BTN3A2: variants seen among roughly 807,000 people sequenced by gnomAD.
BTN3A2 encodes the protein butyrophilin subfamily 3 member A2.
In BTN3A2, 25 loss-of-function variants were observed where a neutral mutation model predicts 37.6. The observed-to-expected ratio is 0.66, with a 90% CI of 0.48 to 0.93. The LOEUF (loss-of-function observed/expected upper bound fraction) is 0.93, where lower values mean the gene tolerates loss of function less well. Among genes scored for constraint, BTN3A2 ranks in the 40% least tolerant of loss-of-function variants. The pLI, the probability that BTN3A2 is intolerant of heterozygous loss-of-function variation, is 0.00. For missense variants in BTN3A2, 266 were observed against 410.9 expected, an observed-to-expected ratio of 0.65 and a Z score of 3.05; for synonymous variants, 122 against 159.4, an observed-to-expected ratio of 0.77 and a Z score of 1.77.
chr6:26,366,981 A>C (rs1759568901), intron 1 of BTN3A2, among the ~76,000 whole-genome samples: 1 of 152,258 alleles, frequency 6.6e-6, no homozygotes, highest in African/African-American at 2.4e-5. Context: ...AGGAAGCAAA[A>C]GGCCAAAGCG....
chr6:26,377,164 C>A lies in BTN3A2; in HGVS notation c.*1402C>A. ...CATTCCCTGGAGATACCACTGACCCCAGGCTTAGCTAATGAAAGTGGGGAG... is the reference window on the plus strand; with the variant it reads ...CATTCCCTGGAGATACCACTGACCCAAGGCTTAGCTAATGAAAGTGGGGAG... On this transcript the variant is annotated 3_prime_UTR_variant, in exon 11 of 11. Coordinates refer to ENST00000377708, the MANE Select transcript of BTN3A2 (RefSeq NM_007047.5). 7.9e-7 allele frequency: 1 copy of A among 1,264,724 alleles called. No homozygotes were observed. Among genetic ancestry groups the A allele is most frequent in the Non-Finnish European group, 1.2e-6 (1 of 862,818 alleles). The allele number at this position is 1,264,724 out of a possible 1,614,324, so 78.3% of individuals were successfully genotyped here. A position where few individuals can be genotyped will look rare whatever the true frequency, so the allele number is the denominator to read the frequency against.
intron 9 of BTN3A2, 52 bp downstream of exon 9, chr6:26,374,425 G>A: frequency 2.6e-6 from 4 of 1,535,876 alleles, no homozygotes; most frequent in Non-Finnish European, 3.6e-6. Context: ...TCTCCACTGT[G>A]ACCCGTGGAT....
At chr6:26,369,418 C>T (rs184807401) in intron 4 of BTN3A2, among the ~76,000 whole-genome samples, 8 of 152,090 alleles carry the variant, frequency 5.3e-5, no homozygotes, top group East Asian at 1.9e-4. Flanking sequence ...GGAGCTGTGG[C>T]GGGGTCTCAG....
chr6:26,370,099 T>A (rs1759947850), intron 4 of BTN3A2, among the ~76,000 whole-genome samples: 1 of 152,154 alleles, frequency 6.6e-6, no homozygotes, highest in Admixed American at 6.5e-5. Flanking sequence ...CCTCTCCTCC[T>A]CCCTCTGGTA....
intron 1 of BTN3A2, among the ~76,000 whole-genome samples, chr6:26,365,765 T>TGAA (rs892750039): frequency 2.0e-5 from 3 of 152,166 alleles, no homozygotes; most frequent in Non-Finnish European, 2.9e-5. Flanking sequence ...TGAGAAATTC[T>TGAA]GAAGAAGAAG....
chr6:26,370,205 C>A, intron 4 of BTN3A2, 117 bp from the exon 5 acceptor site: 1 of 1,331,294 alleles, frequency 7.5e-7, no homozygotes, highest in Non-Finnish European at 1.0e-6. Context: ...CTTTTGTAAA[C>A]AGCTCCTGAA....
rs775963005 is a variant in BTN3A2, at chr6:26,368,254, C to T, written c.72C>T (p.Leu24=). ...FHVSLLLVQL[L]TPCSAQFSVL... is the part of the protein sequence containing the mutation. ...TCTCCCTCCTCTTGGTCCAGCTGCT[C>T]ACTCCTTGCTCAGGTAGGGAATGAT... The change falls in exon 3 of 11, where the codon CTC becomes CTT. Residue 24 remains leucine, a synonymous_variant. Coordinates refer to ENST00000377708, the MANE Select transcript of BTN3A2 (RefSeq NM_007047.5). 6.2e-7 allele frequency: 1 copy of T among 1,614,214 alleles called. No individual in the cohort carries two copies. The highest frequency in any genetic ancestry group is 2.2e-5 in the East Asian group (1 of 44,878).
Position 26,373,315 on chromosome 6 carries a change from A to G in BTN3A2, c.937+19A>G, listed in dbSNP as rs1760333725. 4 of 1,585,968 alleles carry G rather than the reference A, an allele frequency of 2.5e-6. No homozygotes were observed. The highest frequency in any genetic ancestry group is 1.5e-5 in the African/African-American group (1 of 68,002). ...GAACTCAGTAAGTTACCATTCCCCCAGAGATCCAGACATGTCTTCCTATCC... is the reference window on the plus strand; with the variant it reads ...GAACTCAGTAAGTTACCATTCCCCCGGAGATCCAGACATGTCTTCCTATCC... On this transcript the variant is annotated intron_variant, in intron 7 of 10. Transcript: ENST00000377708.
rs1321105724 is a variant in BTN3A2, at chr6:26,368,901, T to C, written c.422T>C (p.Leu141Pro). 2 of 1,539,438 alleles carry C rather than the reference T, an allele frequency of 1.3e-6. No individual in the cohort carries two copies. Among genetic ancestry groups the C allele is most frequent in the Admixed American group, 3.7e-5 (2 of 54,222 alleles). Residue 141 changes from leucine (L) to proline (P), a missense_variant, in exon 4 of 11, where the codon CTG (leucine) becomes CCG (proline). Coordinates refer to ENST00000377708, the MANE Select transcript of BTN3A2 (RefSeq NM_007047.5). ...TTCTATGAAAAAGCCCTGGTGGAGC[T>C]GAAGGTTGCAGGTGAGCCTCCAGGT... ...GDFYEKALVE[L>P]KVAALGSNLH...
intron 9 of BTN3A2, 112 bp downstream of exon 9, chr6:26,374,485 G>C (rs1212287608): frequency 4.1e-6 from 5 of 1,221,504 alleles, no homozygotes; most frequent in Non-Finnish European, 5.9e-6. Context: ...ATTTCTGTGT[G>C]GTGGGGGTTC....
At chr6:26,371,543 T>C (rs911341567) in intron 5 of BTN3A2, among the ~76,000 whole-genome samples, 3 of 152,234 alleles carry the variant, frequency 2.0e-5, no homozygotes, top group African/African-American at 7.2e-5. Context: ...TCAACCTCTG[T>C]TGGGGGCTCT....
chr6:26,374,237 A>T, intron 8 of BTN3A2, 90 bp from the exon 9 acceptor site: 6 of 488,658 alleles, frequency 1.2e-5, no homozygotes, highest in South Asian at 3.6e-5. Flanking sequence ...AAAAAAAAAA[A>T]AAAGACTAGA....
intron 10 of BTN3A2, chr6:26,375,405 A>G: frequency 2.3e-6 from 1 of 437,892 alleles, no homozygotes; most frequent in Non-Finnish European, 4.2e-6. Flanking sequence ...GAGCTTCCTG[A>G]GAAGAGTCCT....
At position 26,376,587 on chromosome 6, in the gene BTN3A2, T is replaced by G. The variant is rs368400868; in HGVS notation, c.*825T>G. 266 of 1,419,354 alleles carry G rather than the reference T, an allele frequency of 1.9e-4. No individual in the cohort carries two copies. In the African/African-American group the frequency reaches 2.6e-3, roughly 14 times the overall value. The allele number at this position is 1,419,354 out of a possible 1,614,324, so 87.9% of individuals were successfully genotyped here. On this transcript the variant is annotated 3_prime_UTR_variant, in exon 11 of 11. Transcript: ENST00000377708. The stretch of plus-strand genomic sequence containing the variant: ...ACTCTCTGCAGCAGATGTAATTCTG[T>G]ATCCAGACATGGCAAATGCCATCCT...
intron 5 of BTN3A2, among the ~76,000 whole-genome samples, chr6:26,372,136 T>C (rs1029987458): frequency 1.3e-5 from 2 of 152,194 alleles, no homozygotes; most frequent in Non-Finnish European, 2.9e-5. Flanking sequence ...ATCTCCAAGA[T>C]ACACTTTACA....
chr6:26,373,420 G>T lies in BTN3A2; in HGVS notation c.964+7G>T. ...AAAATCCAGTACTTGACTCGTGAGT[G>T]GCTTTGACATTTTCTCTGAATTCAA... On this transcript the variant is annotated splice_region_variant and intron_variant, in intron 8 of 10. Coordinates refer to ENST00000377708, the MANE Select transcript of BTN3A2 (RefSeq NM_007047.5). 6.3e-7 allele frequency: 1 copy of T among 1,598,038 alleles called. No homozygotes were observed. The highest frequency in any genetic ancestry group is 8.5e-7 in the Non-Finnish European group (1 of 1,175,718).
rs1304677885 is a variant in BTN3A2 at position 26,376,121 on chromosome 6, G to A, written c.*359G>A. On this transcript the variant is annotated 3_prime_UTR_variant, in exon 11 of 11. Coordinates refer to ENST00000377708, the MANE Select transcript of BTN3A2 (RefSeq NM_007047.5). ...CCAGCTACTCGGGAGGCTGAGGCAG[G>A]AGAATGGCATGAACCCGGAAGGCAG... 3 of 237,598 alleles carry A rather than the reference G, an allele frequency of 1.3e-5. No individual in the cohort carries two copies. The highest frequency in any genetic ancestry group is 1.5e-3 in the Middle Eastern group (1 of 672). 14.7% of individuals were successfully genotyped at this position (237,598 alleles called of 1,614,324 possible).
rs762311111 is a variant in BTN3A2 at position 26,374,308 on chromosome 6, T to G, written c.965-19T>G. 1 of 1,551,830 alleles carries G rather than the reference T, an allele frequency of 6.4e-7. No homozygotes were observed. The highest frequency in any genetic ancestry group is 1.4e-5 in the African/African-American group (1 of 71,304). On this transcript the variant is annotated intron_variant, in intron 8 of 10. Transcript: ENST00000377708. ...AAAGGCAGAGTTCTGGTGACACCTC[T>G]ACCTTTCTTTCATTGTAGGTGGAGA...
chr6:26,374,746 C>CT (rs1760539825), intron 9 of BTN3A2, 25 bp from the exon 10 acceptor site: 1 of 1,524,244 alleles, frequency 6.6e-7, no homozygotes, highest in Admixed American at 1.7e-5. Flanking sequence ...TGACCTTTTT[C>CT]TTATCTGTGT....
Sources: allele counts gnomAD v4.1 joint callset (sites outside exome capture counted in the v4.1 genomes callset), GRCh38; gene constraint gnomAD v4.1.1; transcripts MANE v1.5; gene names NCBI Gene and HGNC (gene_info 2026-07-23, HGNC 2026-07-21).